The following IFI27 variants were observed in gnomAD, a reference collection of about 807,000 sequenced individuals.
IFI27 encodes the protein interferon alpha inducible protein 27.
Under a neutral mutation model 8.9 loss-of-function variants are expected in IFI27, and 3 were observed. That is an observed-to-expected ratio of 0.34 (90% CI 0.15 to 0.87). IFI27 has a LOEUF of 0.87. Ranked by LOEUF, IFI27 falls within the 40% of genes least tolerant of loss-of-function variation. The probability of loss-of-function intolerance (pLI) is 0.51; values close to 1 mark genes in which losing one functional copy is unlikely to be tolerated. For synonymous variants in IFI27, 66 were observed against 67.3 expected, an observed-to-expected ratio of 0.98 and a Z score of 0.09; for missense variants, 152 against 157.7, an observed-to-expected ratio of 0.96 and a Z score of 0.19.
rs1486741394 is a variant in IFI27 at position 94,116,096 on chromosome 14, G to A, written c.283+154G>A. 2.1e-6 allele frequency: 2 copies of A among 937,496 alleles called. No individual in the cohort carries two copies. The highest frequency in any genetic ancestry group is 5.2e-5 in the East Asian group (2 of 38,214). The allele number at this position is 937,496 out of a possible 1,614,324, so 58.1% of individuals were successfully genotyped here. A position where few individuals can be genotyped will look rare whatever the true frequency, so the allele number is the denominator to read the frequency against. On this transcript the variant is annotated intron_variant, in intron 4 of 4. Transcript: ENST00000621160. The surrounding 1 kb of genome is among the most constrained non-coding windows in gnomAD (Gnocchi z 4.3). ...CAGGGTTTCTCTGAGGGAGATGGAGGAGGGAGGGAAGGAGCCCAAGCCAGG... is the reference window on the plus strand; with the variant it reads ...CAGGGTTTCTCTGAGGGAGATGGAGAAGGGAGGGAAGGAGCCCAAGCCAGG...
At chr14:94,113,535 G>GA (rs971783288) in intron 2 of IFI27, 7 of 152,130 alleles carry the variant, frequency 4.6e-5, no homozygotes, top group African/African-American at 1.7e-4. Context: ...ATAGAAGTAG[G>GA]AAAAGGTTGG....
At chr14:94,107,374 C>T (rs1019080916), upstream of IFI27, among the ~76,000 whole-genome samples, 1 of 152,168 alleles carries the variant, frequency 6.6e-6, no homozygotes, top group Non-Finnish European at 1.5e-5. Context: ...CCCACTTTTG[C>T]TCATTTTAAA....
upstream of IFI27, among the ~76,000 whole-genome samples, chr14:94,110,439 C>G (rs975105342): frequency 6.6e-6 from 1 of 152,180 alleles, no homozygotes; most frequent in Non-Finnish European, 1.5e-5. Flanking sequence ...TAATATTTAT[C>G]ATTTTATTAT....
In IFI27 at chr14:94,111,674, C is replaced by T. The variant is rs777534846; in HGVS notation, c.-9C>T. On this transcript the variant is annotated 5_prime_UTR_variant, in exon 2 of 5. Coordinates refer to ENST00000621160, the Ensembl canonical transcript of IFI27. This position sits in a 1 kb window ranked among gnomAD's most constrained non-coding sequence, Gnocchi z 4.3. ...TACTCTCTAGGCCACGGAATTAACC[C>T]GAGCAGGCATGGAGGCCTCTGCTCT... 4.2e-5 allele frequency: 67 copies of T among 1,612,198 alleles called. 1 individual carries two copies. The South Asian group carries it at 6.5e-4, about 16-fold the overall frequency.
At chr14:94,106,641 T>C (rs905035489), upstream of IFI27, among the ~76,000 whole-genome samples, 4 of 152,198 alleles carry the variant, frequency 2.6e-5, no homozygotes, top group Non-Finnish European at 4.4e-5. Context: ...TATAAAGGCA[T>C]ACCTGAGACT....
upstream of IFI27, among the ~76,000 whole-genome samples, chr14:94,110,082 G>GC (rs1429985217): frequency 3.3e-5 from 5 of 152,150 alleles, no homozygotes; most frequent in Non-Finnish European, 7.3e-5. Flanking sequence ...GGCCACACTG[G>GC]CCCCCTTGCT....
chr14:94,115,869 G>T (rs770762104), exon 4 of IFI27: 12 of 1,601,760 alleles, frequency 7.5e-6, no homozygotes, highest in Non-Finnish European at 1.0e-5. Flanking sequence ...CAGCCAAGAT[G>T]ATGTCCGCGG....
At chr14:94,106,162 T>G (rs1887012416), upstream of IFI27, among the ~76,000 whole-genome samples, 1 of 152,164 alleles carries the variant, frequency 6.6e-6, no homozygotes, top group Non-Finnish European at 1.5e-5. Context: ...GGGGGCCTCT[T>G]TTATAAAGGC....
rs974298339 is a variant in IFI27, at chr14:94,111,320, T to C, written c.-58-305T>C. On this transcript the variant is annotated intron_variant, in intron 1 of 4. Coordinates refer to ENST00000621160, the Ensembl canonical transcript of IFI27. This position sits in a 1 kb window ranked among gnomAD's most constrained non-coding sequence, Gnocchi z 4.3. ...TTAGTTTTGGTGCTTTTTCAATTGC[T>C]CCGTGGAGAGATAAGGGAGTCCCGG... Among the ~76,000 whole-genome samples, 3 of 152,130 alleles carry C rather than the reference T, an allele frequency of 2.0e-5. No individual in the cohort carries two copies. In the East Asian group the frequency reaches 5.8e-4, roughly 29 times the overall value.
In IFI27 at chr14:94,116,577, C is replaced by T; in HGVS notation, c.*50C>T. ...AAGAGAACCATGCCAGGGGAGAAGGCACCCAGCCATCCTGACCCAGCGAGG... is the reference window on the plus strand; with the variant it reads ...AAGAGAACCATGCCAGGGGAGAAGGTACCCAGCCATCCTGACCCAGCGAGG... On this transcript the variant is annotated 3_prime_UTR_variant, in exon 5 of 5. Coordinates refer to ENST00000621160, the Ensembl canonical transcript of IFI27. This position sits in a 1 kb window ranked among gnomAD's most constrained non-coding sequence, Gnocchi z 4.3. 1.4e-6 allele frequency: 2 copies of T among 1,454,766 alleles called. No homozygotes were observed. Among genetic ancestry groups the T allele is most frequent in the Non-Finnish European group, 1.9e-6 (2 of 1,046,230 alleles). The allele number at this position is 1,454,766 out of a possible 1,614,324, so 90.1% of individuals were successfully genotyped here.
rs748934202 is a variant in IFI27, at chr14:94,116,467, C to A, written c.309C>A (p.Thr103=). The change falls in exon 5 of 5, where the codon ACC becomes ACA. Residue 103 remains threonine, a synonymous_variant. Transcript: ENST00000621160. The surrounding 1 kb of genome is among the most constrained non-coding windows in gnomAD (Gnocchi z 4.3). ...GAGCAACTGGACTCTCCGGATTGAC[C>A]AAGTTCATCCTGGGCTCCATTGGGT... The A allele has an allele frequency of 6.2e-7, 1 of 1,613,360 alleles. No individual in the cohort carries two copies. The highest frequency in any genetic ancestry group is 8.5e-7 in the Non-Finnish European group (1 of 1,179,726).
At chr14:94,115,067 G>A (rs1158478626) in intron 3 of IFI27, among the ~76,000 whole-genome samples, 187 bp downstream of exon 3, 1 of 152,256 alleles carries the variant, frequency 6.6e-6, no homozygotes, top group African/African-American at 2.4e-5. Context: ...CAGGGGGCTT[G>A]GAGACTGGGA....
chr14:94,115,273 A>G (rs747161285), intron 3 of IFI27: 1 of 545,822 alleles, frequency 1.8e-6, no homozygotes, highest in South Asian at 1.5e-5. Flanking sequence ...GATTGAACAC[A>G]GTAGACATGA....
exon 4 of IFI27, chr14:94,115,875 C>T (rs202049406): frequency 3.9e-5 from 62 of 1,600,274 alleles, no homozygotes; most frequent in East Asian, 1.8e-4. Flanking sequence ...AGATGATGTC[C>T]GCGGCGGCCA....
At chr14:94,113,979 A>T (rs114522490) in intron 2 of IFI27, 1 of 152,412 alleles carries the variant, frequency 6.6e-6, no homozygotes, top group Non-Finnish European at 1.5e-5. Flanking sequence ...CTGCTGGGGA[A>T]CATAACCTCT....
chr14:94,115,175 C>A (rs978166232), intron 3 of IFI27: 14 of 655,050 alleles, frequency 2.1e-5, no homozygotes, highest in Admixed American at 6.3e-5. Context: ...TCTTTGAACT[C>A]CTCTGAGCTC....
chr14:94,111,653 C>G lies in IFI27; in HGVS notation c.-30C>G, dbSNP rs759450912. 4.5e-5 allele frequency: 71 copies of G among 1,593,354 alleles called. 1 individual carries two copies. The South Asian group carries it at 7.3e-4, about 16-fold the overall frequency. On this transcript the variant is annotated 5_prime_UTR_variant, in exon 2 of 5. Coordinates refer to ENST00000621160, the Ensembl canonical transcript of IFI27. This position sits in a 1 kb window ranked among gnomAD's most constrained non-coding sequence, Gnocchi z 4.3. Reference sequence around the variant, plus strand: ...TGGCTGAAGTTGAGGATCTCTTACTCTCTAGGCCACGGAATTAACCCGAGC... The same window carrying G: ...TGGCTGAAGTTGAGGATCTCTTACTGTCTAGGCCACGGAATTAACCCGAGC...
chr14:94,111,483 C>T lies in IFI27; in HGVS notation c.-58-142C>T, dbSNP rs1352551932. On this transcript the variant is annotated intron_variant, in intron 1 of 4. Coordinates refer to ENST00000621160, the Ensembl canonical transcript of IFI27. The surrounding 1 kb of genome is among the most constrained non-coding windows in gnomAD (Gnocchi z 4.3). ...CCCCAACATCCCTCCCTCCCTCACCCCAGGATCCTTTCAAGGCCTGCTGCT... is the reference window on the plus strand; with the variant it reads ...CCCCAACATCCCTCCCTCCCTCACCTCAGGATCCTTTCAAGGCCTGCTGCT... 7 of 598,180 alleles carry T rather than the reference C, an allele frequency of 1.2e-5. No homozygotes were observed. In the East Asian group the frequency reaches 1.9e-4, roughly 17 times the overall value. 37.1% of individuals were successfully genotyped at this position (598,180 alleles called of 1,614,324 possible).
chr14:94,107,868 TC>T (rs1314661310), upstream of IFI27, among the ~76,000 whole-genome samples: 12 of 152,324 alleles, frequency 7.9e-5, 1 homozygote, highest in African/African-American at 2.9e-4. Context: ...ACTTTTAAGT[TC>T]TAGGGTACAT....
Sources: gnomAD v4.1 joint callset for allele counts (sites outside exome capture counted in the v4.1 genomes callset) on GRCh38, gnomAD v4.1.1 for gene constraint, Gnocchi (gnomAD v3.1) non-coding constraint, MANE v1.5 for transcripts, NCBI Gene and HGNC (gene_info 2026-07-23, HGNC 2026-07-21) for gene names.